The following NRAP variants were observed in gnomAD, a reference collection of about 807,000 sequenced individuals.
NRAP encodes the protein nebulin-related-anchoring protein.
NRAP carries 189 observed loss-of-function variants against 225.9 expected under a neutral mutation model. The ratio of observed to expected loss-of-function variants is 0.84; its 90% CI spans 0.74 to 0.94. NRAP has a LOEUF of 0.94. Among genes scored for constraint, NRAP ranks in the 40% least tolerant of loss-of-function variants. The probability of loss-of-function intolerance (pLI) is 0.00; values close to 1 mark genes in which losing one functional copy is unlikely to be tolerated. For missense variants in NRAP, 2,176 were observed against 2,168.7 expected, an observed-to-expected ratio of 1.00 and a Z score of -0.07; for synonymous variants, 769 against 790.7, an observed-to-expected ratio of 0.97 and a Z score of 0.46.
chr10:113,617,940 G>A (rs1847765463), intron 25 of NRAP, among the ~76,000 whole-genome samples: 2 of 152,054 alleles, frequency 1.3e-5, no homozygotes, highest in African/African-American at 4.8e-5. Flanking sequence ...ATCCATTTAA[G>A]CTTTCTATTT....
chr10:113,662,683 CT>C lies in NRAP; in HGVS notation c.250del (p.Ser84ValfsTer20). On this transcript the variant is annotated frameshift_variant, in exon 3 of 42. Transcript: ENST00000359988. LOFTEE classifies it high-confidence loss of function. ...ACTGAAAATTAAATAACTTACCCCA[CT>C]GATGGCCTCTGGAAATGTCCTCACA... ...LNVRTFPEAI[S>X]GIHDQEDGEQ... 6.5e-7 allele frequency: 1 copy of C among 1,532,070 alleles called. No individual in the cohort carries two copies. The highest frequency in any genetic ancestry group is 9.0e-7 in the Non-Finnish European group (1 of 1,105,054). The allele number at this position is 1,532,070 out of a possible 1,614,324, so 94.9% of individuals were successfully genotyped here.
intron 16 of NRAP, among the ~76,000 whole-genome samples, chr10:113,632,490 C>T (rs1055643419): frequency 1.3e-5 from 2 of 152,210 alleles, no homozygotes; most frequent in Non-Finnish European, 2.9e-5. Context: ...AGCTCACCTA[C>T]GGTTACATAA....
At chr10:113,656,932 A>G (rs1278886311) in intron 4 of NRAP, among the ~76,000 whole-genome samples, 1 of 152,176 alleles carries the variant, frequency 6.6e-6, no homozygotes, top group Non-Finnish European at 1.5e-5. Flanking sequence ...GCAAATTCTT[A>G]TGTGTATATT....
chr10:113,588,908 C>T lies in NRAP; in HGVS notation c.*67G>A. 7.9e-7 allele frequency: 1 copy of T among 1,268,596 alleles called. No individual in the cohort carries two copies. Among genetic ancestry groups the T allele is most frequent in the South Asian group, 1.2e-5 (1 of 81,086 alleles). The allele number at this position is 1,268,596 out of a possible 1,614,324, so 78.6% of individuals were successfully genotyped here. A position where few individuals can be genotyped will look rare whatever the true frequency, so the allele number is the denominator to read the frequency against. Reference sequence around the variant, plus strand: ...CATTCCAGCTTGCCGAAATCAAAGCCATCTGAAGCCTGTCTCTGGTGAACA... The same window carrying T: ...CATTCCAGCTTGCCGAAATCAAAGCTATCTGAAGCCTGTCTCTGGTGAACA... On this transcript the variant is annotated 3_prime_UTR_variant, in exon 42 of 42. Transcript: ENST00000359988.
At chr10:113,593,201 C>G (rs535383378) in intron 38 of NRAP, among the ~76,000 whole-genome samples, 273 of 152,242 alleles carry the variant, frequency 1.8e-3, no homozygotes, top group Non-Finnish European at 3.2e-3. Context: ...CAGACCGTGT[C>G]GGTTGCTCAC....
In NRAP at chr10:113,608,023, G is replaced by T. The variant is rs1434575865; in HGVS notation, c.3702+391C>A. On this transcript the variant is annotated intron_variant, in intron 32 of 41. Coordinates refer to ENST00000359988, the MANE Select transcript of NRAP (RefSeq NM_198060.4). ...CACATCAGATTGACAATGTAAAATT[G>T]GTTAGCCAATATTTGCCTAGATAGA... Among the ~76,000 whole-genome samples, 3 of 152,156 alleles carry T rather than the reference G, an allele frequency of 2.0e-5. No individual in the cohort carries two copies. In the South Asian group the frequency reaches 6.2e-4, roughly 32 times the overall value.
rs370263248 is a variant in NRAP at position 113,645,846 on chromosome 10, G to C, written c.1089C>G (p.Ser363Arg). Residue 363 changes from serine to arginine, a missense_variant, in exon 11 of 42, where the codon AGC becomes AGG. Around this residue, in one of 3 missense-constraint regions of NRAP, gnomAD observed 1,708 missense variants for 1,695.5 expected, o/e 1.01. Coordinates refer to ENST00000359988, the MANE Select transcript of NRAP (RefSeq NM_198060.4). ...QDNLVLKQAQSVNKLVSEVEY... is the reference protein window; with the variant it reads ...QDNLVLKQAQRVNKLVSEVEY... ...GCACCTCACTCACGAGTTTGTTTACGCTCTGAGCCTGTTTGAGAACCAAGT... is the reference window on the plus strand; with the variant it reads ...GCACCTCACTCACGAGTTTGTTTACCCTCTGAGCCTGTTTGAGAACCAAGT... 1.9e-6 allele frequency: 3 copies of C among 1,599,470 alleles called. No homozygotes were observed. The highest frequency in any genetic ancestry group is 2.2e-5 in the East Asian group (1 of 44,754).
intron 3 of NRAP, among the ~76,000 whole-genome samples, chr10:113,661,802 C>G (rs1282613498): frequency 6.6e-6 from 1 of 152,146 alleles, no homozygotes; most frequent in Non-Finnish European, 1.5e-5. Context: ...TTATCCCCAC[C>G]CCAAGGGGAA....
intron 40 of NRAP, among the ~76,000 whole-genome samples, chr10:113,590,188 C>T (rs896710248): frequency 3.9e-5 from 6 of 152,174 alleles, no homozygotes; most frequent in Non-Finnish European, 8.8e-5. Context: ...AACAGTTTAG[C>T]ATAGCCATCG....
chr10:113,613,820 C>A (rs533276530), intron 29 of NRAP, among the ~76,000 whole-genome samples: 1 of 152,250 alleles, frequency 6.6e-6, no homozygotes, highest in African/African-American at 2.4e-5. Context: ...AAGCTTAACA[C>A]TTTTATATAA....
intron 35 of NRAP, among the ~76,000 whole-genome samples, chr10:113,600,545 G>T (rs910990668): frequency 6.6e-5 from 10 of 152,182 alleles, no homozygotes; most frequent in Non-Finnish European, 1.2e-4. Flanking sequence ...ACTCTCAGCA[G>T]AGCCACCAGC....
At chr10:113,646,861 A>G in intron 10 of NRAP, 62 bp downstream of exon 10, 5 of 1,111,818 alleles carry the variant, frequency 4.5e-6, no homozygotes, top group Non-Finnish European at 6.9e-6. Flanking sequence ...TTCAGTAAGC[A>G]CAGCCTTCAA....
Position 113,623,724 on chromosome 10 carries a change from C to A in NRAP, c.2350-88G>T, listed in dbSNP as rs17090776. 5.3e-3 allele frequency: 4,514 copies of A among 849,182 alleles called. 23 individuals are homozygous for A. The highest frequency in any genetic ancestry group is 6.9e-3 in the Non-Finnish European group (3,530 of 511,396). The allele number at this position is 849,182 out of a possible 1,614,324, so 52.6% of individuals were successfully genotyped here. A position where few individuals can be genotyped will look rare whatever the true frequency, so the allele number is the denominator to read the frequency against. ...ATTTCTCTAGATTCTAATGACGATTCTAGGAAAGCAATACTGATTATTACG... is the reference window on the plus strand; with the variant it reads ...ATTTCTCTAGATTCTAATGACGATTATAGGAAAGCAATACTGATTATTACG... On this transcript the variant is annotated intron_variant, in intron 22 of 41. Transcript: ENST00000359988.
At chr10:113,600,799 G>C (rs1382901111) in intron 35 of NRAP, among the ~76,000 whole-genome samples, 2 of 152,210 alleles carry the variant, frequency 1.3e-5, no homozygotes, top group Admixed American at 6.5e-5. Flanking sequence ...CCTGTAAAGA[G>C]AGGAGTCATA....
At chr10:113,663,286 T>C (rs1228827961) in intron 2 of NRAP, 66 bp downstream of exon 2, 3 of 931,292 alleles carry the variant, frequency 3.2e-6, no homozygotes, top group African/African-American at 3.2e-5. Flanking sequence ...TTTGAACGTT[T>C]AGTTGGCTCC....
chr10:113,609,536 A>G (rs1463523524), intron 31 of NRAP, among the ~76,000 whole-genome samples: 3 of 152,256 alleles, frequency 2.0e-5, no homozygotes, highest in Non-Finnish European at 4.4e-5. Flanking sequence ...CCAGGAAATC[A>G]GAAAGCTTAG....
chr10:113,640,106 T>C (rs2134088972), intron 14 of NRAP, 121 bp downstream of exon 14: 1 of 576,176 alleles, frequency 1.7e-6, no homozygotes, highest in Middle Eastern at 2.7e-4. Flanking sequence ...CTTTCCTCAA[T>C]CCCTTCAACC....
intron 27 of NRAP, among the ~76,000 whole-genome samples, 180 bp from the exon 28 acceptor site, chr10:113,615,126 C>T (rs1287110370): frequency 1.3e-5 from 2 of 151,858 alleles, no homozygotes; most frequent in East Asian, 3.9e-4. Context: ...TCGTGCCCAC[C>T]TCTTTGGAGG....
chr10:113,594,517 C>T (rs1440833604), intron 38 of NRAP, among the ~76,000 whole-genome samples: 1 of 152,158 alleles, frequency 6.6e-6, no homozygotes, highest in Non-Finnish European at 1.5e-5. Context: ...CAAATGGAGG[C>T]CTTGCCTTCC....
Sources: allele counts gnomAD v4.1 joint callset (sites outside exome capture counted in the v4.1 genomes callset), GRCh38; gene constraint gnomAD v4.1.1; regional missense constraint gnomAD v4.1.1; transcripts MANE v1.5; gene names NCBI Gene and HGNC (gene_info 2026-07-23, HGNC 2026-07-21).